The following DPY19L3 variants were observed in gnomAD, a reference collection of about 807,000 sequenced individuals.
DPY19L3 encodes dpy-19 like C-mannosyltransferase 3, also known as protein C-mannosyl-transferase DPY19L3.
In DPY19L3, 51 loss-of-function variants were observed where a neutral mutation model predicts 92.3. The ratio of observed to expected loss-of-function variants is 0.55; its 90% CI spans 0.44 to 0.70. The LOEUF is 0.70. Among genes scored for constraint, DPY19L3 ranks in the 30% least tolerant of loss-of-function variants. DPY19L3 has a pLI of 0.00. For synonymous variants in DPY19L3, 309 were observed against 315.2 expected, an observed-to-expected ratio of 0.98 and a Z score of 0.21; for missense variants, 706 against 855.9, an observed-to-expected ratio of 0.82 and a Z score of 2.18.
chr19:32,466,079 C>T (rs190404788), intron 15 of DPY19L3, among the ~76,000 whole-genome samples: 2 of 152,310 alleles, frequency 1.3e-5, no homozygotes, highest in South Asian at 2.1e-4. Context: ...TCATACTGCC[C>T]GTGTGCATGT....
intron 17 of DPY19L3, chr19:32,479,533 C>T: frequency 2.3e-5 from 9 of 385,266 alleles, no homozygotes; most frequent in South Asian, 1.7e-4. Flanking sequence ...GTCACAGTAA[C>T]AGCATCCTAC....
At position 32,482,313 on chromosome 19, in the gene DPY19L3, T is replaced by C. The variant is rs925884512; in HGVS notation, c.*73T>C. The C allele has an allele frequency of 3.9e-6, 6 of 1,544,714 alleles. No individual in the cohort carries two copies. The highest frequency in any genetic ancestry group is 5.2e-6 in the Non-Finnish European group (6 of 1,143,326). On this transcript the variant is annotated 3_prime_UTR_variant, in exon 19 of 19. Transcript: ENST00000392250. ...ATGATGAAACTCAATAGATGACGTT[T>C]CCTATGTAAGTAGGTAGCCCAAACC... is the stretch of plus-strand genomic sequence containing the variant.
At position 32,484,634 on chromosome 19, in the gene DPY19L3, G is replaced by C. The variant is rs73569254; in HGVS notation, c.*2394G>C. 1 of 152,086 alleles carries C rather than the reference G, an allele frequency of 6.6e-6. No individual in the cohort carries two copies. Among genetic ancestry groups the C allele is most frequent in the Non-Finnish European group, 1.5e-5 (1 of 68,068 alleles). 9.4% of individuals were successfully genotyped at this position (152,086 alleles called of 1,614,324 possible). A position where few individuals can be genotyped will look rare whatever the true frequency, so the allele number is the denominator to read the frequency against. ...AGGCCCCGGAGTCTCCATCTCTCTC[G>C]TAAGCCACCTGCCACAGCACAGCTG... On this transcript the variant is annotated 3_prime_UTR_variant, in exon 19 of 19. Transcript: ENST00000392250.
At chr19:32,408,390 T>G (rs1342489679) in intron 2 of DPY19L3, 34 bp downstream of exon 2, 1 of 1,520,844 alleles carries the variant, frequency 6.6e-7, no homozygotes, top group Non-Finnish European at 9.1e-7. Flanking sequence ...CAATTTGGGT[T>G]GCTTTTATTT....
chr19:32,424,639 AAAAG>A (rs1285715155), intron 3 of DPY19L3, among the ~76,000 whole-genome samples: 1 of 152,142 alleles, frequency 6.6e-6, no homozygotes, highest in East Asian at 1.9e-4. Context: ...CAAAAACAAA[AAAAG>A]GTCTCTGTAG....
At position 32,430,881 on chromosome 19, in the gene DPY19L3, GC is replaced by G. The variant is rs1968942509; in HGVS notation, c.238-1833del. ...GAGCTCAAGCAATCCACCCACTTCA[GC>G]CTCCCAAAGTGCATGGCTATAGGCA... is the stretch of plus-strand genomic sequence containing the variant. On this transcript the variant is annotated intron_variant, in intron 3 of 18. Transcript: ENST00000392250. Among the ~76,000 whole-genome samples the G allele has an allele frequency of 2.0e-5, 3 of 150,232 alleles. 1 individual carries two copies. The South Asian group carries it at 6.3e-4, about 32-fold the overall frequency.
At chr19:32,480,292 T>C in intron 17 of DPY19L3, 107 bp from the exon 18 acceptor site, 4 of 1,286,404 alleles carry the variant, frequency 3.1e-6, no homozygotes, top group South Asian at 1.5e-5. Flanking sequence ...AGAGAGCACC[T>C]TGGGTGTTAG....
chr19:32,417,395 C>G (rs1968415141), intron 3 of DPY19L3, among the ~76,000 whole-genome samples: 1 of 152,250 alleles, frequency 6.6e-6, no homozygotes, highest in African/African-American at 2.4e-5. Context: ...TCTCAGCTCA[C>G]TGCAGCCTCC....
chr19:32,413,657 C>G (rs867083033), intron 3 of DPY19L3, among the ~76,000 whole-genome samples: 1 of 147,084 alleles, frequency 6.8e-6, no homozygotes, highest in African/African-American at 2.5e-5. Flanking sequence ...AAGAATAATA[C>G]TTATCTTTCA....
rs762078853 is a variant in DPY19L3, at chr19:32,454,925, CTT to C, written c.988-11_988-10del. On this transcript the variant is annotated splice_polypyrimidine_tract_variant and intron_variant, in intron 9 of 18. Coordinates refer to ENST00000392250, the MANE Select transcript of DPY19L3 (RefSeq NM_001172774.2). The stretch of plus-strand genomic sequence containing the variant: ...AAAACTTAAGAATTAAAACATAACT[CTT>C]TTAATTTCTAGAAAAATCTGAAAAC... 8.9e-6 allele frequency: 13 copies of C among 1,464,418 alleles called. No individual in the cohort carries two copies. Among genetic ancestry groups the C allele is most frequent in the South Asian group, 2.5e-5 (2 of 79,620 alleles). 90.7% of individuals were successfully genotyped at this position (1,464,418 alleles called of 1,614,324 possible).
rs757281169 is a variant in DPY19L3, at chr19:32,477,660, G to C, written c.1830+6G>C. 40 of 1,613,662 alleles carry C rather than the reference G, an allele frequency of 2.5e-5. No homozygotes were observed. Among genetic ancestry groups the C allele is most frequent in the Non-Finnish European group, 3.2e-5 (38 of 1,179,986 alleles). ...TGAGAGAGCGGACCAGAGCGGTGAG[G>C]CTCCCCAGTGCCTCCCCTCGCTTCT... On this transcript the variant is annotated splice_donor_region_variant and intron_variant, in intron 17 of 18. Coordinates refer to ENST00000392250, the MANE Select transcript of DPY19L3 (RefSeq NM_001172774.2).
Position 32,435,264 on chromosome 19 carries a change from T to TGGC in DPY19L3, c.329-1182_329-1181insGGC, listed in dbSNP as rs1568335745. 6.6e-5 allele frequency among the ~76,000 whole-genome samples: 10 copies of TGGC among 152,268 alleles called. No individual in the cohort carries two copies. In the South Asian group the frequency reaches 1.0e-3, roughly 16 times the overall value. On this transcript the variant is annotated intron_variant, in intron 4 of 18. Coordinates refer to ENST00000392250, the MANE Select transcript of DPY19L3 (RefSeq NM_001172774.2). ...GTGACCTCACTTACCCTTTATTACC[T>TGGC]CCTGTAGGCCCTGTCTCCAAGAACA...
chr19:32,466,508 C>T (rs1200738061), intron 15 of DPY19L3, among the ~76,000 whole-genome samples: 1 of 152,230 alleles, frequency 6.6e-6, no homozygotes, highest in East Asian at 1.9e-4. Flanking sequence ...CAGCTTCAGC[C>T]TCTGCCCGCT....
intron 3 of DPY19L3, among the ~76,000 whole-genome samples, chr19:32,421,291 T>C (rs1045559012): frequency 2.0e-5 from 3 of 152,194 alleles, no homozygotes; most frequent in African/African-American, 7.2e-5. Context: ...ATAATCAAGT[T>C]CCAGCTTTGA....
At chr19:32,429,466 G>C (rs1322736510) in intron 3 of DPY19L3, among the ~76,000 whole-genome samples, 2 of 152,224 alleles carry the variant, frequency 1.3e-5, no homozygotes, top group Non-Finnish European at 2.9e-5. Flanking sequence ...ATTTGGTTCT[G>C]TACAGCTGGT....
intron 15 of DPY19L3, 199 bp from the exon 16 acceptor site, chr19:32,468,532 T>C (rs1384496849): frequency 8.9e-6 from 11 of 1,230,488 alleles, no homozygotes; most frequent in Non-Finnish European, 1.1e-5. Flanking sequence ...CAGCTGAAGA[T>C]AATTTCAGAA....
intron 15 of DPY19L3, 84 bp downstream of exon 15, chr19:32,464,868 G>A: frequency 2.1e-6 from 2 of 954,816 alleles, no homozygotes; most frequent in Non-Finnish European, 3.0e-6. Flanking sequence ...GTATTATTTG[G>A]CAAATAGAGT....
chr19:32,479,428 C>T (rs1970607320), intron 17 of DPY19L3, among the ~76,000 whole-genome samples: 1 of 152,086 alleles, frequency 6.6e-6, no homozygotes, highest in Non-Finnish European at 1.5e-5. Flanking sequence ...CACACACTGA[C>T]ATCCTCAAGG....
intron 14 of DPY19L3, among the ~76,000 whole-genome samples, chr19:32,464,234 AGG>A (rs962782160): frequency 1.3e-5 from 2 of 152,162 alleles, no homozygotes; most frequent in African/African-American, 2.4e-5. Flanking sequence ...AAAGCACAAA[AGG>A]GGAATTAAAA....
Sources: allele counts gnomAD v4.1 joint callset (sites outside exome capture counted in the v4.1 genomes callset), GRCh38; gene constraint gnomAD v4.1.1; transcripts MANE v1.5; gene names NCBI Gene and HGNC (gene_info 2026-07-23, HGNC 2026-07-21).